The following TMED10 variants were observed in gnomAD, a reference collection of about 807,000 sequenced individuals.
The protein encoded by TMED10 is transmembrane emp24 domain-containing protein 10.
In TMED10, 7 loss-of-function variants were observed where a neutral mutation model predicts 23.1. The observed-to-expected ratio is 0.30, with a 90% confidence interval of 0.17 to 0.57. The LOEUF (loss-of-function observed/expected upper bound fraction) is 0.57. Among genes scored for constraint, TMED10 ranks in the 20% least tolerant of loss-of-function variants. The probability of loss-of-function intolerance (pLI) is 0.91; values close to 1 mark genes in which losing one functional copy is unlikely to be tolerated. For synonymous variants in TMED10, 113 were observed against 106.9 expected (o/e 1.06, Z -0.35); for missense variants, 162 against 274.8 (o/e 0.59, Z 2.90).
intron 1 of TMED10, among the ~76,000 whole-genome samples, chr14:75,158,385 C>A (rs1423687164): frequency 6.6e-6 from 1 of 152,154 alleles, no homozygotes; most frequent in Admixed American, 6.5e-5. Context: ...TGGAGTGCAG[C>A]TGCACAATCA....
At chr14:75,168,446 C>T (rs1896190760) in intron 1 of TMED10, among the ~76,000 whole-genome samples, 1 of 152,134 alleles carries the variant, frequency 6.6e-6, no homozygotes, top group African/African-American at 2.4e-5. Flanking sequence ...TGACATATAG[C>T]ATGAGGGGCT....
At chr14:75,167,635 G>A (rs187387320) in intron 1 of TMED10, among the ~76,000 whole-genome samples, 11 of 152,126 alleles carry the variant, frequency 7.2e-5, no homozygotes, top group Non-Finnish European at 1.3e-4. Context: ...CTCTTTAAGG[G>A]ATCTGTTTGG....
chr14:75,168,662 T>C (rs1896193370), intron 1 of TMED10, among the ~76,000 whole-genome samples: 1 of 152,168 alleles, frequency 6.6e-6, no homozygotes, highest in Non-Finnish European at 1.5e-5. Context: ...CCACATAACC[T>C]TTAAATGGTG....
At chr14:75,139,413 C>T (rs1483141039) in intron 3 of TMED10, among the ~76,000 whole-genome samples, 1 of 152,092 alleles carries the variant, frequency 6.6e-6, no homozygotes, top group African/African-American at 2.4e-5. Context: ...TCAGACTCTA[C>T]ACCTCTATTC....
rs563192061 is a variant in TMED10 at position 75,133,381 on chromosome 14, C to T, written c.*1504G>A. ...GATACATAGATGGCAAATTAGCACA[C>T]AAAAAGATACTCAACATCATTAGCC... On this transcript the variant is annotated 3_prime_UTR_variant, in exon 5 of 5. Transcript: ENST00000303575. 22 of 152,172 alleles carry T rather than the reference C, an allele frequency of 1.4e-4. No homozygotes were observed. The highest frequency in any genetic ancestry group is 3.4e-3 in the Middle Eastern group (1 of 294). The allele number at this position is 152,172 out of a possible 1,614,324, so 9.4% of individuals were successfully genotyped here. A position where few individuals can be genotyped will look rare whatever the true frequency, so the allele number is the denominator to read the frequency against.
At chr14:75,154,396 T>A (rs1454097020) in intron 1 of TMED10, among the ~76,000 whole-genome samples, 1 of 25,078 alleles carries the variant, frequency 4.0e-5, no homozygotes, top group Non-Finnish European at 7.8e-5. Context: ...AGCGAGACTC[T>A]GTCTCAAAAA....
At chr14:75,172,158 ACAATT>A (rs1013644191) in intron 1 of TMED10, among the ~76,000 whole-genome samples, 2 of 152,206 alleles carry the variant, frequency 1.3e-5, no homozygotes, top group Admixed American at 1.3e-4. Flanking sequence ...ATTGACTCCA[ACAATT>A]CAATTGCAAG....
intron 1 of TMED10, 93 bp from the exon 2 acceptor site, chr14:75,152,236 G>A (rs543425812): frequency 3.1e-6 from 3 of 956,022 alleles, no homozygotes; most frequent in African/African-American, 3.3e-5. Flanking sequence ...ATCTATGAAA[G>A]ACAATTGATA....
chr14:75,154,464 T>C (rs1227653768), intron 1 of TMED10, among the ~76,000 whole-genome samples: 2 of 82,804 alleles, frequency 2.4e-5, no homozygotes, highest in African/African-American at 4.9e-5. Context: ...TATTCAAAAA[T>C]AATAATAAAG....
At chr14:75,138,208 A>G (rs995654312) in intron 3 of TMED10, among the ~76,000 whole-genome samples, 4 of 152,220 alleles carry the variant, frequency 2.6e-5, no homozygotes, top group Non-Finnish European at 5.9e-5. Flanking sequence ...ATGTGTGATG[A>G]ACAAAAGTTA....
intron 1 of TMED10, among the ~76,000 whole-genome samples, chr14:75,155,499 G>C (rs1429970515): frequency 6.6e-6 from 1 of 152,216 alleles, no homozygotes; most frequent in East Asian, 1.9e-4. Flanking sequence ...TAATTAGCTT[G>C]ATTGTGGTAT....
At chr14:75,157,285 T>C (rs4903289) in intron 1 of TMED10, among the ~76,000 whole-genome samples, 67,767 of 152,090 alleles carry the variant, frequency 0.45, 16,459 homozygotes, top group East Asian at 0.84. Flanking sequence ...AGCAACTCCA[T>C]GGAAACTGGT....
rs1443167698 is a variant in TMED10, at chr14:75,133,326, C to T, written c.*1559G>A. The T allele has an allele frequency of 6.6e-6, 1 of 152,036 alleles. No individual in the cohort carries two copies. The highest frequency in any genetic ancestry group is 1.9e-4 in the East Asian group (1 of 5,200). 9.4% of individuals were successfully genotyped at this position (152,036 alleles called of 1,614,324 possible). A position where few individuals can be genotyped will look rare whatever the true frequency, so the allele number is the denominator to read the frequency against. The stretch of plus-strand genomic sequence containing the variant: ...ACAAATGACCTAAATAGAAAATAGA[C>T]AAAAGACATGAAGACATTTCACCGA... On this transcript the variant is annotated 3_prime_UTR_variant, in exon 5 of 5. Transcript: ENST00000303575.
At chr14:75,147,925 A>G in intron 2 of TMED10, 188 bp from the exon 3 acceptor site, 1 of 628,902 alleles carries the variant, frequency 1.6e-6, no homozygotes, top group Non-Finnish European at 2.8e-6. Flanking sequence ...TTCCAGACAA[A>G]GCCTCTATCT....
chr14:75,156,418 A>G (rs575988141), intron 1 of TMED10, among the ~76,000 whole-genome samples: 114 of 152,142 alleles, frequency 7.5e-4, no homozygotes, highest in Non-Finnish European at 1.6e-3. Context: ...TACAGGACAA[A>G]ACCAAAAAGT....
At chr14:75,169,839 A>G (rs1208077592) in intron 1 of TMED10, among the ~76,000 whole-genome samples, 1 of 152,166 alleles carries the variant, frequency 6.6e-6, no homozygotes, top group Admixed American at 6.5e-5. Flanking sequence ...AATGTGGCCT[A>G]CCATATGAAA....
At chr14:75,147,521 A>G in intron 3 of TMED10, 143 bp downstream of exon 3, 1 of 882,622 alleles carries the variant, frequency 1.1e-6, no homozygotes, top group Non-Finnish European at 1.9e-6. Flanking sequence ...TTTTTGTATC[A>G]GTAAGATCAT....
intron 3 of TMED10, among the ~76,000 whole-genome samples, chr14:75,147,090 TG>T (rs1465860914): frequency 6.6e-6 from 1 of 152,086 alleles, no homozygotes; most frequent in African/African-American, 2.4e-5. Context: ...AGAGAACTAA[TG>T]CCATATGCTT....
rs758732754 is a variant in TMED10 at position 75,176,581 on chromosome 14, G to A, written c.-2C>T. 102 of 1,613,880 alleles carry A rather than the reference G, an allele frequency of 6.3e-5. No homozygotes were observed. The highest frequency in any genetic ancestry group is 5.9e-5 in the Non-Finnish European group (70 of 1,179,966). The stretch of plus-strand genomic sequence containing the variant: ...TGGTGGGCCAGACAAACCAGACATG[G>A]TGCTGGAGACTCGTTCACCACCGAA... On this transcript the variant is annotated 5_prime_UTR_variant, in exon 1 of 5. Transcript: ENST00000303575.
Sources: gnomAD v4.1 joint callset for allele counts (sites outside exome capture counted in the v4.1 genomes callset) on GRCh38, gnomAD v4.1.1 for gene constraint, MANE v1.5 for transcripts, NCBI Gene and HGNC (gene_info 2026-07-23, HGNC 2026-07-21) for gene names.